Variants in ANK1 observed in about 807,000 individuals in gnomAD.
The protein encoded by ANK1 is ankyrin 1.
A neutral mutation model predicts 210.4 loss-of-function variants in ANK1; 51 were observed. The ratio of observed to expected loss-of-function variants is 0.24; its 90% confidence interval spans 0.19 to 0.31. The LOEUF (loss-of-function observed/expected upper bound fraction) is 0.31, where lower values mean the gene tolerates loss of function less well. Among genes scored for constraint, ANK1 ranks in the 10% least tolerant of loss-of-function variants. ANK1 has a pLI of 1.00. For synonymous variants in ANK1, 967 were observed against 1,025.9 expected (o/e 0.94, Z 1.10); for missense variants, 2,051 against 2,504.4 (o/e 0.82, Z 3.86).
At chr8:41,825,673 C>T (rs1805241261) in intron 1 of ANK1, among the ~76,000 whole-genome samples, 1 of 152,238 alleles carries the variant, frequency 6.6e-6, no homozygotes, top group African/African-American at 2.4e-5. Flanking sequence ...GCTGTGTCCC[C>T]ACCCAAATCT....
chr8:41,718,924 A>G (rs1828478626), intron 10 of ANK1, among the ~76,000 whole-genome samples: 1 of 152,044 alleles, frequency 6.6e-6, no homozygotes, highest in African/African-American at 2.4e-5. Context: ...GGAAATCCCA[A>G]CTCCCCTATA....
chr8:41,825,880 C>G (rs1178040930), intron 1 of ANK1, among the ~76,000 whole-genome samples: 5 of 152,200 alleles, frequency 3.3e-5, no homozygotes, highest in African/African-American at 9.6e-5. Flanking sequence ...TGCCTTTGCT[C>G]TCCTTTGCCT....
chr8:41,834,491 C>T (rs987063495), intron 1 of ANK1, among the ~76,000 whole-genome samples: 1 of 152,226 alleles, frequency 6.6e-6, no homozygotes, highest in Admixed American at 6.5e-5. Context: ...CAAACCCCAT[C>T]CCTAAACCCA....
chr8:41,693,147 T>C lies in ANK1; in HGVS notation c.3587A>G (p.Tyr1196Cys), dbSNP rs1249742197. ...GGTGAAGTTGGCGCACTCGTTGGCA[T>C]ATACAAGTTTGGTGGTTCCTGTTAT... The part of the protein sequence containing the change: ...EDITGTTKLV[Y>C]ANECANFTTN... The change falls in exon 30 of 43, where the codon TAT becomes TGT. Residue 1196 changes from tyrosine (Y) to cysteine (C), a missense_variant. Tyr to Cys is a radical substitution (Grantham distance 194, BLOSUM62 -2). This residue lies in a region of ANK1 where 1,413 missense variants were observed against 1,707.4 expected (regional missense o/e 0.83). Coordinates refer to ENST00000289734, the MANE Select transcript of ANK1 (RefSeq NM_000037.4). 6.2e-7 allele frequency: 1 copy of C among 1,613,968 alleles called. No individual in the cohort carries two copies.
intron 1 of ANK1, among the ~76,000 whole-genome samples, chr8:41,770,223 T>C (rs1842744095): frequency 6.6e-6 from 1 of 152,212 alleles, no homozygotes; most frequent in Non-Finnish European, 1.5e-5. Context: ...CCTCAGGTGC[T>C]CTGCCCGCCT....
chr8:41,856,219 T>C (rs1291300683), intron 1 of ANK1, among the ~76,000 whole-genome samples: 1 of 152,220 alleles, frequency 6.6e-6, no homozygotes, highest in Non-Finnish European at 1.5e-5. Context: ...AGAGAACTTC[T>C]TGAGAGCTAT....
At chr8:41,658,515 G>A (rs1472309694) in intron 42 of ANK1, among the ~76,000 whole-genome samples, 1 of 152,178 alleles carries the variant, frequency 6.6e-6, no homozygotes, top group Non-Finnish European at 1.5e-5. Context: ...AGCAGGAGGA[G>A]GCCTTGATTC....
rs190032844 is a variant in ANK1 at position 41,779,843 on chromosome 8, G to A, written c.27+17669C>T. Among the ~76,000 whole-genome samples, 41 of 152,280 alleles carry A rather than the reference G, an allele frequency of 2.7e-4. No homozygotes were observed. The East Asian group carries it at 4.6e-3, about 17-fold the overall frequency. On this transcript the variant is annotated intron_variant, in intron 1 of 42. Transcript: ENST00000289734. ...TGAACTCAGCAACCGGAGCCAAGTC[G>A]GCCACCGCAAGCATTCTGCTTTTGT...
In ANK1 at chr8:41,694,563, C is replaced by A; in HGVS notation, c.3327+29G>T. 6.2e-7 allele frequency: 1 copy of A among 1,606,300 alleles called. No homozygotes were observed. Among genetic ancestry groups the A allele is most frequent in the East Asian group, 2.2e-5 (1 of 44,720 alleles). The stretch of plus-strand genomic sequence containing the variant: ...GGAGGCCTGGAGTTCAGTCCACCCC[C>A]AGGACCTGGCGGGGAGGAGGGCTGT... On this transcript the variant is annotated intron_variant, in intron 28 of 42. Transcript: ENST00000289734. The surrounding 1 kb of genome is among the most constrained non-coding windows in gnomAD (Gnocchi z 5.7).
At chr8:41,758,708 G>T (rs996398899) in intron 1 of ANK1, among the ~76,000 whole-genome samples, 1 of 151,996 alleles carries the variant, frequency 6.6e-6, no homozygotes, top group Non-Finnish European at 1.5e-5. Context: ...CTTTGAGGGG[G>T]AGCCCATTCC....
At chr8:41,724,695 A>T in intron 6 of ANK1, 141 bp from the exon 7 acceptor site, 1 of 799,084 alleles carries the variant, frequency 1.3e-6, no homozygotes, top group Non-Finnish European at 2.1e-6. Context: ...ACATTTGGTG[A>T]GGGGGTCAAG....
At chr8:41,850,593 G>A (rs533525057) in intron 1 of ANK1, among the ~76,000 whole-genome samples, 9 of 152,140 alleles carry the variant, frequency 5.9e-5, no homozygotes, top group East Asian at 1.9e-4. Context: ...TGATCCTCCC[G>A]CCTTAGCCTC....
At position 41,654,284 on chromosome 8, in the gene ANK1, T is replaced by C; in HGVS notation, c.*1506A>G. 6.5e-6 allele frequency: 1 copy of C among 152,814 alleles called. No individual in the cohort carries two copies. Among genetic ancestry groups the C allele is most frequent in the Non-Finnish European group, 1.5e-5 (1 of 68,102 alleles). The allele number at this position is 152,814 out of a possible 1,614,324, so 9.5% of individuals were successfully genotyped here. On this transcript the variant is annotated 3_prime_UTR_variant, in exon 43 of 43. Coordinates refer to ENST00000289734, the MANE Select transcript of ANK1 (RefSeq NM_000037.4). ...CACCGAGGCGAGGAACTGCCAGCTG[T>C]CTGTCTCCTTCCTGCCTTGACCCAG...
At chr8:41,827,714 CCACTCA>C (rs1310837643) in intron 1 of ANK1, among the ~76,000 whole-genome samples, 33 of 139,228 alleles carry the variant, frequency 2.4e-4, no homozygotes, top group African/African-American at 7.0e-4. Flanking sequence ...ACACGCACAC[CCACTCA>C]CACTCACACA....
rs753346532 is a variant in ANK1, at chr8:41,698,118, C to T, written c.2562G>A (p.Val854=). ...GAATCCTGGGGATGGCTGGAGATTCCACCCTGCGTGCCAAGAACACCAGAA... is the reference window on the plus strand; with the variant it reads ...GAATCCTGGGGATGGCTGGAGATTCTACCCTGCGTGCCAAGAACACCAGAA... ...LDFVPKLDQV[V]ESPAIPRIPC... is the part of the protein sequence containing the mutation. Residue 854 remains valine (V), a synonymous_variant, in exon 24 of 43, where the codon GTG becomes GTA. Transcript: ENST00000289734. 3 of 1,614,062 alleles carry T rather than the reference C, an allele frequency of 1.9e-6. No individual in the cohort carries two copies. Among genetic ancestry groups the T allele is most frequent in the East Asian group, 4.5e-5 (2 of 44,884 alleles).
chr8:41,780,713 C>T (rs13279368), intron 1 of ANK1, among the ~76,000 whole-genome samples: 40,848 of 152,114 alleles, frequency 0.27, 5,796 homozygotes, highest in Non-Finnish European at 0.3. Flanking sequence ...TGCACGTGTG[C>T]CTGTGTGTGC....
Position 41,680,749 on chromosome 8 carries a change from G to A in ANK1, c.4537+3795C>T, listed in dbSNP as rs147026814. Reference sequence around the variant, plus strand: ...GCCACAGGTAGCTAGCTGTATTGCTGGTGCTGGTGGGAGTCACTATGAAGC... The same window carrying A: ...GCCACAGGTAGCTAGCTGTATTGCTAGTGCTGGTGGGAGTCACTATGAAGC... On this transcript the variant is annotated intron_variant, in intron 37 of 42. Coordinates refer to ENST00000289734, the MANE Select transcript of ANK1 (RefSeq NM_000037.4). 8.2e-3 allele frequency among the ~76,000 whole-genome samples: 1,243 copies of A among 152,256 alleles called. 49 individuals carry two copies. The highest frequency in any genetic ancestry group is 0.067 in the Admixed American group (1,024 of 15,298).
chr8:41,807,134 C>G (rs1283519537), intron 1 of ANK1, among the ~76,000 whole-genome samples: 6 of 152,164 alleles, frequency 3.9e-5, no homozygotes, highest in African/African-American at 1.4e-4. Context: ...ATGTGCCAGT[C>G]ATACTACTAG....
intron 1 of ANK1, among the ~76,000 whole-genome samples, chr8:41,871,236 G>A (rs1332075531): frequency 6.6e-6 from 1 of 152,226 alleles, no homozygotes; most frequent in Non-Finnish European, 1.5e-5. Flanking sequence ...ACTGGAAGCT[G>A]CTGAAGGGTG....
Sources: gnomAD v4.1 joint callset for allele counts (sites outside exome capture counted in the v4.1 genomes callset) on GRCh38, gnomAD v4.1.1 for gene constraint, gnomAD v4.1.1 regional missense constraint, Gnocchi (gnomAD v3.1) non-coding constraint, MANE v1.5 for transcripts, NCBI Gene and HGNC (gene_info 2026-07-23, HGNC 2026-07-21) for gene names.